Variants in GRM7 observed in about 807,000 individuals in gnomAD.
GRM7 encodes the protein glutamate metabotropic receptor 7.
GRM7 carries 35 observed loss-of-function variants against 84.5 expected under a neutral mutation model. That is an observed-to-expected ratio of 0.41 (90% confidence interval 0.32 to 0.55). The LOEUF (loss-of-function observed/expected upper bound fraction) is 0.55, where lower values mean the gene tolerates loss of function less well. GRM7 is among the 20% of genes least tolerant of loss of function. The pLI is 0.19. For synonymous variants in GRM7, 487 were observed against 455.1 expected, an observed-to-expected ratio of 1.07 and a Z score of -0.89; for missense variants, 1,003 against 1,194.6, an observed-to-expected ratio of 0.84 and a Z score of 2.36.
At chr3:6,970,811 C>G (rs1436369917) in intron 1 of GRM7, among the ~76,000 whole-genome samples, 1 of 152,106 alleles carries the variant, frequency 6.6e-6, no homozygotes, top group Non-Finnish European at 1.5e-5. Context: ...AACCCCGTTT[C>G]TACTAAACAA....
At chr3:7,173,124 C>T (rs1259348210) in intron 2 of GRM7, among the ~76,000 whole-genome samples, 1 of 152,180 alleles carries the variant, frequency 6.6e-6, no homozygotes, top group African/African-American at 2.4e-5. Flanking sequence ...TGGGAAGTAA[C>T]AGAGCCAGTA....
intron 2 of GRM7, among the ~76,000 whole-genome samples, chr3:7,167,730 G>C (rs1444467370): frequency 6.6e-6 from 1 of 151,990 alleles, no homozygotes; most frequent in African/African-American, 2.4e-5. Flanking sequence ...AGCTCTTTGG[G>C]AGGCCGAGGC....
intron 7 of GRM7, among the ~76,000 whole-genome samples, chr3:7,576,869 A>G (rs1195613047): frequency 6.6e-6 from 1 of 152,208 alleles, no homozygotes; most frequent in African/African-American, 2.4e-5. Context: ...ACTTCAAAGT[A>G]TTTTAACATA....
intron 8 of GRM7, chr3:7,636,476 T>C: frequency 3.2e-6 from 1 of 312,968 alleles, no homozygotes; most frequent in South Asian, 2.9e-5. Context: ...GAGAACATGG[T>C]AGAAAAATTC....
At chr3:7,092,954 G>A (rs910743007) in intron 1 of GRM7, among the ~76,000 whole-genome samples, 1 of 152,124 alleles carries the variant, frequency 6.6e-6, no homozygotes, top group African/African-American at 2.4e-5. Flanking sequence ...GTGGTGGTGT[G>A]CACCTGTAGT....
rs186785998 is a variant in GRM7 at position 7,665,144 on chromosome 3, T to C, written c.2452-14905T>C. ...GGAATTGGACACAGTTTCAACTGCA[T>C]ACGGAGAATGTTTGCCCATGATTCT... On this transcript the variant is annotated intron_variant, in intron 8 of 9. Transcript: ENST00000357716. 2.8e-3 allele frequency among the ~76,000 whole-genome samples: 422 copies of C among 150,934 alleles called. 7 individuals are homozygous for C. The highest frequency in any genetic ancestry group is 0.017 in the Middle Eastern group (5 of 288).
intron 8 of GRM7, among the ~76,000 whole-genome samples, chr3:7,582,739 T>G (rs1695321353): frequency 6.6e-6 from 1 of 152,152 alleles, no homozygotes; most frequent in South Asian, 2.1e-4. Flanking sequence ...GGGCAACTAT[T>G]GGCAAACTTT....
chr3:7,714,616 A>G (rs1339946935), intron 9 of GRM7, among the ~76,000 whole-genome samples: 2 of 151,836 alleles, frequency 1.3e-5, no homozygotes, highest in Admixed American at 6.6e-5. Flanking sequence ...AGTTTGAAAC[A>G]TGCTCTTTGG....
Position 7,255,538 on chromosome 3 carries a change from G to A in GRM7, c.737-43146G>A, listed in dbSNP as rs191411035. On this transcript the variant is annotated intron_variant, in intron 2 of 9. Transcript: ENST00000357716. ...AGAAATATTCCCATTTTAATTATAT[G>A]CTTTGGCAACAGCATTTATTTGCTT... 5.9e-5 allele frequency among the ~76,000 whole-genome samples: 9 copies of A among 152,296 alleles called. No individual in the cohort carries two copies. In the East Asian group the frequency reaches 1.7e-3, roughly 29 times the overall value.
intron 2 of GRM7, among the ~76,000 whole-genome samples, chr3:7,288,174 G>T (rs949731152): frequency 1.8e-4 from 28 of 152,058 alleles, no homozygotes; most frequent in African/African-American, 6.8e-4. Flanking sequence ...CTCCTTTAAG[G>T]ATATACAAAG....
intron 4 of GRM7, among the ~76,000 whole-genome samples, chr3:7,406,757 T>C (rs571095920): frequency 1.3e-5 from 2 of 152,338 alleles, no homozygotes; most frequent in East Asian, 3.9e-4. Flanking sequence ...AATCACCTAG[T>C]GCTTTAAATG....
chr3:7,467,902 G>C (rs550940686), intron 7 of GRM7, among the ~76,000 whole-genome samples: 55 of 152,188 alleles, frequency 3.6e-4, no homozygotes, highest in Non-Finnish European at 2.1e-4. Flanking sequence ...AAATTTTTTA[G>C]ATTTTATTAA....
intron 4 of GRM7, among the ~76,000 whole-genome samples, chr3:7,407,307 T>G (rs779866): frequency 2.0e-5 from 3 of 151,932 alleles, no homozygotes; most frequent in Non-Finnish European, 2.9e-5. Flanking sequence ...TAAATCATCC[T>G]CTAGAGGGAT....
chr3:7,453,780 A>G (rs1440304501), intron 6 of GRM7, among the ~76,000 whole-genome samples: 2 of 152,108 alleles, frequency 1.3e-5, no homozygotes, highest in East Asian at 1.9e-4. Context: ...ACTGTACACA[A>G]AGGGTATAAT....
chr3:7,013,190 A>G (rs1167146726), intron 1 of GRM7, among the ~76,000 whole-genome samples: 1 of 151,880 alleles, frequency 6.6e-6, no homozygotes, highest in East Asian at 1.9e-4. Context: ...ATGTCCTTAT[A>G]AAGGCCCCTG....
At chr3:7,550,577 C>CTCTGTG (rs1211953579) in intron 7 of GRM7, among the ~76,000 whole-genome samples, 7 of 53,032 alleles carry the variant, frequency 1.3e-4, no homozygotes, top group South Asian at 1.7e-3. Flanking sequence ...CTCTCTCTCT[C>CTCTGTG]TGTGTGTGTG....
At chr3:7,618,498 G>A (rs1697212258) in intron 8 of GRM7, among the ~76,000 whole-genome samples, 2 of 152,016 alleles carry the variant, frequency 1.3e-5, no homozygotes. Flanking sequence ...AAAGGAATAG[G>A]ACAACTTGGG....
At chr3:7,417,824 G>T (rs1696236443) in intron 5 of GRM7, among the ~76,000 whole-genome samples, 1 of 151,738 alleles carries the variant, frequency 6.6e-6, no homozygotes, top group Admixed American at 6.6e-5. Context: ...AACAATATTT[G>T]TTATATATTA....
At chr3:7,659,413 T>C (rs1192237148) in intron 8 of GRM7, among the ~76,000 whole-genome samples, 2 of 152,112 alleles carry the variant, frequency 1.3e-5, no homozygotes, top group Non-Finnish European at 2.9e-5. Flanking sequence ...CCAGTGATCA[T>C]TTAAAGGCAT....
Sources: gnomAD v4.1 joint callset for allele counts (sites outside exome capture counted in the v4.1 genomes callset) on GRCh38, gnomAD v4.1.1 for gene constraint, MANE v1.5 for transcripts, NCBI Gene and HGNC (gene_info 2026-07-23, HGNC 2026-07-21) for gene names.